Variants in SHISA9 observed in about 807,000 individuals in gnomAD.
SHISA9 encodes the protein shisa family member 9.
SHISA9 carries 13 observed loss-of-function variants against 38.0 expected under a neutral mutation model. The ratio of observed to expected loss-of-function variants is 0.34; its 90% CI spans 0.22 to 0.54. SHISA9 has a LOEUF of 0.54. Among genes scored for constraint, SHISA9 ranks in the 20% least tolerant of loss-of-function variants. SHISA9 has a pLI of 0.91. For missense variants in SHISA9, 538 were observed against 575.8 expected (o/e 0.93, Z 0.67); for synonymous variants, 275 against 242.0 (o/e 1.14, Z -1.27).
At chr16:13,552,153 A>T in the SHISA9 span, among the ~76,000 whole-genome samples, 1 of 152,172 alleles carries the variant, frequency 6.6e-6, no homozygotes, top group South Asian at 2.1e-4. Flanking sequence ...AATAAGATGC[A>T]GGCTTCTCCA....
chr16:12,925,582 TA>T (rs1416523791), intron 2 of SHISA9, among the ~76,000 whole-genome samples: 1 of 152,210 alleles, frequency 6.6e-6, no homozygotes, highest in Non-Finnish European at 1.5e-5. Flanking sequence ...TGGCATAGCC[TA>T]ATTAGATTTG....
chr16:13,186,261 A>C (rs2050821158), intron 2 of SHISA9, among the ~76,000 whole-genome samples: 1 of 151,656 alleles, frequency 6.6e-6, no homozygotes, highest in South Asian at 2.1e-4. Flanking sequence ...GTGGGGAAAA[A>C]AATAACATGA....
intron 2 of SHISA9, among the ~76,000 whole-genome samples, chr16:13,111,821 T>A (rs1055984548): frequency 6.6e-6 from 1 of 152,152 alleles, no homozygotes; most frequent in Admixed American, 6.5e-5. Context: ...TAAAGGAGGG[T>A]AGGAGACTAT....
chr16:13,226,262 A>T (rs573740088), intron 4 of SHISA9, among the ~76,000 whole-genome samples: 1 of 152,214 alleles, frequency 6.6e-6, no homozygotes. Context: ...TGATTCATCC[A>T]TCTAACCTCT....
chr16:13,396,217 A>C, the SHISA9 span, among the ~76,000 whole-genome samples: 1 of 152,174 alleles, frequency 6.6e-6, no homozygotes, highest in East Asian at 1.9e-4. Flanking sequence ...ACACAAACTA[A>C]ATCAATCGGC....
chr16:13,384,279 A>C, the SHISA9 span, among the ~76,000 whole-genome samples: 1 of 152,032 alleles, frequency 6.6e-6, no homozygotes, highest in African/African-American at 2.4e-5. Flanking sequence ...TGGTTTCTCC[A>C]CTCCATTCCC....
rs566382144 is a variant in SHISA9 at position 13,161,743 on chromosome 16, A to G, written c.692-41651A>G. ...TTTGAATACCTACCATATGCAAGAC[A>G]AAATTATAAGTGGGCTGAGGGTGGA... On this transcript the variant is annotated intron_variant, in intron 2 of 4. Transcript: ENST00000558583. Among the ~76,000 whole-genome samples the G allele has an allele frequency of 1.7e-3, 258 of 152,296 alleles. 4 individuals are homozygous for G. Among genetic ancestry groups the G allele is most frequent in the Middle Eastern group, 6.8e-3 (2 of 294 alleles).
the SHISA9 span, among the ~76,000 whole-genome samples, chr16:13,556,133 CG>C: frequency 2.6e-5 from 4 of 152,196 alleles, no homozygotes; most frequent in Non-Finnish European, 5.9e-5. Context: ...TCCTTCAGGA[CG>C]TGTGTTTATT....
chr16:13,037,960 G>A (rs940861734), intron 2 of SHISA9, among the ~76,000 whole-genome samples: 3 of 152,144 alleles, frequency 2.0e-5, no homozygotes, highest in East Asian at 1.9e-4. Flanking sequence ...TGAAAGCATC[G>A]TGCTATGCTG....
intron 1 of SHISA9, among the ~76,000 whole-genome samples, chr16:12,915,819 C>G (rs929752199): frequency 1.3e-4 from 20 of 152,282 alleles, no homozygotes; most frequent in African/African-American, 4.3e-4. Flanking sequence ...GTAAAAGACA[C>G]ACACATATAC....
At chr16:13,274,635 C>T in the SHISA9 span, among the ~76,000 whole-genome samples, 1 of 152,010 alleles carries the variant, frequency 6.6e-6, no homozygotes, top group Non-Finnish European at 1.5e-5. Context: ...TGCTGGCTGA[C>T]CCTGAAAGAA....
At chr16:13,102,506 G>A (rs1402296104) in intron 2 of SHISA9, among the ~76,000 whole-genome samples, 2 of 152,192 alleles carry the variant, frequency 1.3e-5, no homozygotes, top group African/African-American at 4.8e-5. Flanking sequence ...TGAGAGGCAA[G>A]GGAGAGAACA....
the SHISA9 span, among the ~76,000 whole-genome samples, chr16:13,549,691 G>T: frequency 2.0e-5 from 3 of 152,238 alleles, no homozygotes; most frequent in South Asian, 6.2e-4. Context: ...GACTGTAGAA[G>T]TGGGGAGTAT....
chr16:13,223,713 T>A (rs400844), intron 4 of SHISA9, among the ~76,000 whole-genome samples: 26,175 of 152,104 alleles, frequency 0.17, 3,119 homozygotes, highest in African/African-American at 0.32. Flanking sequence ...ACAGTTCCAC[T>A]TGGCTGGGGA....
At chr16:13,494,541 A>G in the SHISA9 span, among the ~76,000 whole-genome samples, 2 of 152,238 alleles carry the variant, frequency 1.3e-5, no homozygotes, top group African/African-American at 4.8e-5. Flanking sequence ...CATAGAAAGT[A>G]CACACATTTT....
the SHISA9 span, among the ~76,000 whole-genome samples, chr16:13,313,422 C>A: frequency 6.6e-6 from 1 of 152,176 alleles, no homozygotes; most frequent in Non-Finnish European, 1.5e-5. Context: ...ATGAACCCAA[C>A]TCCCAACCAT....
the SHISA9 span, among the ~76,000 whole-genome samples, chr16:13,475,821 A>T: frequency 6.6e-6 from 1 of 152,174 alleles, no homozygotes; most frequent in African/African-American, 2.4e-5. Context: ...ACAGATCATC[A>T]GGTGTTAGAT....
In SHISA9 at chr16:12,949,713, TA is replaced by T. The variant is rs1423697877; in HGVS notation, c.691+32899del. ...ATGACATATTAAAATTAAGTTCACTTATTTTTTATATTATCTTTTTAATTGA... is the reference window on the plus strand; with the variant it reads ...ATGACATATTAAAATTAAGTTCACTTTTTTTTATATTATCTTTTTAATTGA... On this transcript the variant is annotated intron_variant, in intron 2 of 4. Transcript: ENST00000558583. 4.6e-5 allele frequency among the ~76,000 whole-genome samples: 7 copies of T among 152,248 alleles called. No individual in the cohort carries two copies. In the East Asian group the frequency reaches 7.7e-4, roughly 17 times the overall value.
the SHISA9 span, among the ~76,000 whole-genome samples, chr16:13,497,493 G>T: frequency 6.6e-6 from 1 of 152,018 alleles, no homozygotes; most frequent in African/African-American, 2.4e-5. Flanking sequence ...AGACCAGCCT[G>T]GCCAGCATGG....
Sources: gnomAD v4.1 joint callset for allele counts (sites outside exome capture counted in the v4.1 genomes callset) on GRCh38, gnomAD v4.1.1 for gene constraint, MANE v1.5 for transcripts, NCBI Gene and HGNC (gene_info 2026-07-23, HGNC 2026-07-21) for gene names.